Variants in MYO10 observed in about 807,000 individuals in gnomAD.
MYO10 encodes myosin X.
In MYO10, 133 loss-of-function variants were observed where a neutral mutation model predicts 257.3. The observed-to-expected ratio is 0.52, with a 90% CI of 0.45 to 0.60. The LOEUF (loss-of-function observed/expected upper bound fraction) is 0.60. Among genes scored for constraint, MYO10 ranks in the 20% least tolerant of loss-of-function variants. The probability of loss-of-function intolerance (pLI) is 0.00; values close to 1 mark genes in which losing one functional copy is unlikely to be tolerated. For synonymous variants in MYO10, 1,104 were observed against 1,028.6 expected, an observed-to-expected ratio of 1.07 and a Z score of -1.40; for missense variants, 2,399 against 2,635.7, an observed-to-expected ratio of 0.91 and a Z score of 1.97.
intron 3 of MYO10, among the ~76,000 whole-genome samples, chr5:16,809,664 C>G (rs1009136471): frequency 6.6e-6 from 1 of 152,216 alleles, no homozygotes; most frequent in Non-Finnish European, 1.5e-5. Context: ...GCCACCTAAC[C>G]AAAGGAGGAT....
intron 1 of MYO10, among the ~76,000 whole-genome samples, chr5:16,924,345 G>T (rs146948355): frequency 6.6e-6 from 1 of 152,104 alleles, no homozygotes; most frequent in Non-Finnish European, 1.5e-5. Flanking sequence ...AACTTCCTCC[G>T]CTAATCAATG....
intron 2 of MYO10, among the ~76,000 whole-genome samples, chr5:16,821,443 C>CTTTT (rs571931909): frequency 1.3e-4 from 9 of 70,262 alleles, no homozygotes; most frequent in South Asian, 6.9e-4. Context: ...CTCCTATTTT[C>CTTTT]TTTTTTTTTT....
chr5:16,799,425 A>G (rs1428911542), intron 3 of MYO10, among the ~76,000 whole-genome samples: 1 of 152,192 alleles, frequency 6.6e-6, no homozygotes, highest in Non-Finnish European at 1.5e-5. Flanking sequence ...TAGAGACAAC[A>G]TATGCAACCC....
At position 16,694,270 on chromosome 5, in the gene MYO10, C is replaced by T. The variant is rs1737631693; in HGVS notation, c.3800+101G>A. On this transcript the variant is annotated intron_variant, in intron 27 of 40. Transcript: ENST00000513610. ...AACTGAACTATCAGGACACCTGCTA[C>T]AGGCTACTGCCGCTGCAAGGAACTT... 9.7e-6 allele frequency: 15 copies of T among 1,544,996 alleles called. 1 individual carries two copies. The highest frequency in any genetic ancestry group is 3.7e-5 in the South Asian group (3 of 81,736).
rs903358119 is a variant in MYO10, at chr5:16,902,572, T to C, written c.22-24865A>G. Reference sequence around the variant, plus strand: ...TTGGGCACGCATCGGGCACAGTTAGTGCAGCGAATAGGCTGCACGTGGCCG... The same window carrying C: ...TTGGGCACGCATCGGGCACAGTTAGCGCAGCGAATAGGCTGCACGTGGCCG... On this transcript the variant is annotated intron_variant, in intron 1 of 40. Transcript: ENST00000513610. 1.1e-5 allele frequency: 18 copies of C among 1,579,992 alleles called. No individual in the cohort carries two copies. The African/African-American group carries it at 1.9e-4, about 16-fold the overall frequency.
At chr5:16,691,575 T>A (rs1373443531) in intron 27 of MYO10, among the ~76,000 whole-genome samples, 3 of 151,758 alleles carry the variant, frequency 2.0e-5, no homozygotes, top group African/African-American at 7.3e-5. Context: ...AGTGCACACC[T>A]GTAGTCCCAG....
intron 9 of MYO10, among the ~76,000 whole-genome samples, chr5:16,770,593 T>C (rs761319895): frequency 1.3e-5 from 2 of 152,012 alleles, no homozygotes; most frequent in African/African-American, 4.8e-5. Context: ...ACACACAAAC[T>C]TGGGGGCAGA....
At chr5:16,754,776 G>A (rs191518890) in intron 19 of MYO10, 52 bp downstream of exon 19, 23 of 1,365,194 alleles carry the variant, frequency 1.7e-5, no homozygotes, top group Non-Finnish European at 2.2e-5. Context: ...ACCACCCCAG[G>A]AGGCTGTGTC....
intron 19 of MYO10, among the ~76,000 whole-genome samples, chr5:16,749,922 T>TA (rs897642814): frequency 5.9e-5 from 9 of 152,346 alleles, no homozygotes; most frequent in Non-Finnish European, 7.3e-5. Context: ...GCCTGGAACT[T>TA]ACTTGCTAAA....
At chr5:16,882,023 G>A (rs573672720) in intron 1 of MYO10, among the ~76,000 whole-genome samples, 21 of 152,128 alleles carry the variant, frequency 1.4e-4, no homozygotes, top group South Asian at 1.0e-3. Flanking sequence ...TTAAAACGTG[G>A]ACAAGTTTGC....
chr5:16,904,593 T>C (rs767568357), intron 1 of MYO10, among the ~76,000 whole-genome samples: 55 of 152,178 alleles, frequency 3.6e-4, no homozygotes, highest in Non-Finnish European at 5.9e-4. Context: ...ATTGCTTGCC[T>C]GGTGTCTGGG....
intron 3 of MYO10, among the ~76,000 whole-genome samples, chr5:16,810,960 T>C (rs1233938151): frequency 6.7e-6 from 1 of 149,840 alleles, no homozygotes; most frequent in Non-Finnish European, 1.5e-5. Flanking sequence ...TCCCAGCTAC[T>C]CAGGAGACTG....
intron 3 of MYO10, among the ~76,000 whole-genome samples, chr5:16,797,617 T>C (rs568428014): frequency 1.3e-5 from 2 of 152,308 alleles, no homozygotes; most frequent in South Asian, 2.1e-4. Context: ...ACCCACACCA[T>C]GTAATATTAC....
At chr5:16,927,984 G>A (rs978897924) in intron 1 of MYO10, among the ~76,000 whole-genome samples, 5 of 152,098 alleles carry the variant, frequency 3.3e-5, no homozygotes, top group South Asian at 2.1e-4. Context: ...CATGGGTATC[G>A]ATAAGCTAAC....
At chr5:16,756,992 G>T (rs1387585354) in intron 18 of MYO10, among the ~76,000 whole-genome samples, 1 of 151,866 alleles carries the variant, frequency 6.6e-6, no homozygotes, top group African/African-American at 2.4e-5. Flanking sequence ...AATGGCGCAT[G>T]CCTCTAGTCC....
At chr5:16,853,785 G>T (rs989766653) in intron 2 of MYO10, among the ~76,000 whole-genome samples, 2 of 152,128 alleles carry the variant, frequency 1.3e-5, no homozygotes, top group African/African-American at 4.8e-5. Context: ...AGAGAAGAGC[G>T]GGTCCACACT....
chr5:16,828,694 C>T (rs925738487), intron 2 of MYO10, among the ~76,000 whole-genome samples: 7 of 150,758 alleles, frequency 4.6e-5, no homozygotes, highest in African/African-American at 1.2e-4. Context: ...GGAGGAAGGA[C>T]AAGCTGATTT....
intron 3 of MYO10, among the ~76,000 whole-genome samples, chr5:16,808,400 G>C (rs980979218): frequency 6.6e-6 from 1 of 152,174 alleles, no homozygotes; most frequent in Non-Finnish European, 1.5e-5. Flanking sequence ...TTGAGCCCAG[G>C]AGTTGGAGGC....
rs202181181 is a variant in MYO10, at chr5:16,796,464, G to GAAAGA, written c.280-1636_280-1632dup. On this transcript the variant is annotated intron_variant, in intron 3 of 40. Coordinates refer to ENST00000513610, the MANE Select transcript of MYO10 (RefSeq NM_012334.3). The stretch of plus-strand genomic sequence containing the variant: ...AGACAGAAAGAAAGAAAGAAAGAAA[G>GAAAGA]AAAGAAAAGAAAAGAAAAGAAAGAA... Among the ~76,000 whole-genome samples, 534 of 100,124 alleles carry GAAAGA rather than the reference G, an allele frequency of 5.3e-3. 10 individuals carry two copies. Among genetic ancestry groups the GAAAGA allele is most frequent in the Middle Eastern group, 0.016 (3 of 190 alleles). 65.7% of individuals were successfully genotyped at this position (100,124 alleles called of 152,430 possible).
Sources: allele counts gnomAD v4.1 joint callset (sites outside exome capture counted in the v4.1 genomes callset), GRCh38; gene constraint gnomAD v4.1.1; transcripts MANE v1.5; gene names NCBI Gene and HGNC (gene_info 2026-07-23, HGNC 2026-07-21).